GNA14: variants seen among roughly 807,000 people sequenced by gnomAD.
GNA14 encodes the protein G protein subunit alpha 14.
A neutral mutation model predicts 42.0 loss-of-function variants in GNA14; 50 were observed. The observed-to-expected ratio is 1.19, with a 90% CI of 0.95 to 1.51. The LOEUF is 1.51. Among genes scored for constraint, GNA14 ranks in the 40% most tolerant of loss-of-function variants. GNA14 has a pLI of 0.00. For missense variants in GNA14, 473 were observed against 446.2 expected (o/e 1.06, Z -0.54); for synonymous variants, 173 against 163.1 (o/e 1.06, Z -0.46).
At chr9:77,517,916 C>T (rs971798070) in intron 2 of GNA14, 6 of 152,048 alleles carry the variant, frequency 3.9e-5, no homozygotes, top group African/African-American at 1.2e-4. Context: ...TATCCTCATA[C>T]TTTTTTAATA....
At chr9:77,642,816 T>C (rs148789258) in intron 1 of GNA14, among the ~76,000 whole-genome samples, 2 of 152,098 alleles carry the variant, frequency 1.3e-5, no homozygotes, top group East Asian at 1.9e-4. Flanking sequence ...CTCAATGAAA[T>C]CTGGTCCCCA....
At chr9:77,490,001 C>G (rs1450332064) in intron 2 of GNA14, among the ~76,000 whole-genome samples, 1 of 152,170 alleles carries the variant, frequency 6.6e-6, no homozygotes, top group African/African-American at 2.4e-5. Flanking sequence ...TCTCAGGGCG[C>G]TGATTGGTGC....
chr9:77,519,227 A>G (rs2131758347), intron 2 of GNA14, among the ~76,000 whole-genome samples: 1 of 152,282 alleles, frequency 6.6e-6, no homozygotes, highest in South Asian at 2.1e-4. Context: ...CCTGGCCAAC[A>G]TGGTGAAACC....
chr9:77,501,486 C>T (rs968344895), intron 2 of GNA14, among the ~76,000 whole-genome samples: 7 of 152,078 alleles, frequency 4.6e-5, no homozygotes, highest in African/African-American at 1.4e-4. Flanking sequence ...CATGGATTTG[C>T]CATCTGTATA....
chr9:77,424,267 G>GT, intron 6 of GNA14, 98 bp from the exon 7 acceptor site: 1 of 791,578 alleles, frequency 1.3e-6, no homozygotes, highest in South Asian at 2.1e-5. Flanking sequence ...CTGTAGCCCA[G>GT]GCTGGAGTGC....
chr9:77,532,113 CTAGTG>C (rs898381783), intron 1 of GNA14, among the ~76,000 whole-genome samples: 8 of 152,032 alleles, frequency 5.3e-5, no homozygotes, highest in Admixed American at 1.3e-4. Context: ...CATCACCCAG[CTAGTG>C]TATTTTTTTT....
intron 1 of GNA14, among the ~76,000 whole-genome samples, chr9:77,600,132 G>A (rs1397573214): frequency 2.0e-5 from 3 of 152,138 alleles, no homozygotes; most frequent in African/African-American, 4.8e-5. Context: ...CAGCATGAAT[G>A]TCCTTGTTTG....
At chr9:77,425,044 C>G (rs1172362015) in intron 6 of GNA14, among the ~76,000 whole-genome samples, 1 of 152,164 alleles carries the variant, frequency 6.6e-6, no homozygotes, top group Non-Finnish European at 1.5e-5. Context: ...AGGGATGCCA[C>G]ACTCTAACAT....
intron 2 of GNA14, among the ~76,000 whole-genome samples, chr9:77,434,901 T>C (rs1835618272): frequency 1.3e-5 from 2 of 152,122 alleles, no homozygotes; most frequent in African/African-American, 4.8e-5. Flanking sequence ...AGTATCTGCA[T>C]AGCCAATGAG....
At chr9:77,533,621 G>A (rs1329021405) in intron 1 of GNA14, among the ~76,000 whole-genome samples, 2 of 152,154 alleles carry the variant, frequency 1.3e-5, no homozygotes, top group Non-Finnish European at 2.9e-5. Flanking sequence ...CTTTCTCTGC[G>A]TGGATCCTCT....
intron 2 of GNA14, among the ~76,000 whole-genome samples, chr9:77,491,483 T>C (rs868122343): frequency 1.3e-4 from 20 of 152,082 alleles, no homozygotes; most frequent in Admixed American, 4.6e-4. Context: ...TCTATGCAAA[T>C]GAAAACTGAA....
intron 1 of GNA14, among the ~76,000 whole-genome samples, chr9:77,604,803 C>T (rs950463102): frequency 8.5e-5 from 13 of 152,184 alleles, no homozygotes; most frequent in Admixed American, 3.9e-4. Context: ...AAAAGCACTA[C>T]GTAAACCCCG....
intron 1 of GNA14, among the ~76,000 whole-genome samples, chr9:77,641,869 G>GA (rs1234151713): frequency 1.3e-5 from 2 of 151,976 alleles, no homozygotes; most frequent in Non-Finnish European, 2.9e-5. Flanking sequence ...CCTATTTTTA[G>GA]AAAAACACGC....
chr9:77,608,123 G>A (rs1249372829), intron 1 of GNA14, among the ~76,000 whole-genome samples: 1 of 152,170 alleles, frequency 6.6e-6, no homozygotes, highest in African/African-American at 2.4e-5. Context: ...CCTTAATGGG[G>A]ACAGAAGGCA....
intron 1 of GNA14, among the ~76,000 whole-genome samples, chr9:77,571,109 A>AG (rs1823052010): frequency 6.6e-6 from 1 of 152,232 alleles, no homozygotes; most frequent in African/African-American, 2.4e-5. Flanking sequence ...TGGTGCTAGT[A>AG]GTAGCATTTA....
intron 1 of GNA14, among the ~76,000 whole-genome samples, chr9:77,620,492 A>C (rs1171209443): frequency 3.3e-5 from 5 of 152,242 alleles, no homozygotes; most frequent in Non-Finnish European, 7.3e-5. Flanking sequence ...TTCTAATTAG[A>C]GCTCTAGCAA....
At chr9:77,506,833 A>G (rs1837078568) in intron 2 of GNA14, among the ~76,000 whole-genome samples, 1 of 152,222 alleles carries the variant, frequency 6.6e-6, no homozygotes, top group Non-Finnish European at 1.5e-5. Flanking sequence ...TGGACAGCAA[A>G]GAGTTAGAAA....
rs1193961625 is a variant in GNA14, at chr9:77,529,158, G to C, written c.220C>G (p.Leu74Val). The C allele has an allele frequency of 8.1e-6, 13 of 1,613,926 alleles. No homozygotes were observed. The highest frequency in any genetic ancestry group is 1.1e-5 in the Non-Finnish European group (13 of 1,179,820). The change falls in exon 2 of 7, where the codon CTG (leucine) becomes GTG (valine). Residue 74 changes from leucine (L) to valine (V), a missense_variant. Leu to Val is a conservative substitution (Grantham distance 32). Coordinates refer to ENST00000341700, the MANE Select transcript of GNA14 (RefSeq NM_004297.4). ...SDEDRKGFTK[L>V]VYQNIFTAMQ... ...GCGGTGAATATGTTTTGGTAAACCA[G>C]CTTCGTGAACCCCTTTCTGTCTTCG... is the stretch of plus-strand genomic sequence containing the variant.
In GNA14 at chr9:77,647,880, C is replaced by T; in HGVS notation, c.-87G>A. On this transcript the variant is annotated 5_prime_UTR_variant, in exon 1 of 7. Transcript: ENST00000341700. ...GGCCGCTCACCCGGCCAGCATGCGA[C>T]GGGCACAGGGGTGTGGAAAGAAAAG... 5.4e-6 allele frequency: 8 copies of T among 1,481,016 alleles called. 1 individual carries two copies. The South Asian group carries it at 8.4e-5, about 16-fold the overall frequency. 91.7% of individuals were successfully genotyped at this position (1,481,016 alleles called of 1,614,324 possible).
Sources: gnomAD v4.1 joint callset for allele counts (sites outside exome capture counted in the v4.1 genomes callset) on GRCh38, gnomAD v4.1.1 for gene constraint, MANE v1.5 for transcripts, NCBI Gene and HGNC (gene_info 2026-07-23, HGNC 2026-07-21) for gene names.